Variants in KIAA0825 observed in about 807,000 individuals in gnomAD.
KIAA0825 encodes uncharacterized protein KIAA0825.
A neutral mutation model predicts 147.6 loss-of-function variants in KIAA0825; 119 were observed. The ratio of observed to expected loss-of-function variants is 0.81; its 90% CI spans 0.69 to 0.94. The LOEUF (loss-of-function observed/expected upper bound fraction) is 0.94, where lower values mean the gene tolerates loss of function less well. KIAA0825 is among the 40% of genes least tolerant of loss of function. The pLI, the probability that KIAA0825 is intolerant of heterozygous loss-of-function variation, is 0.00. For missense variants in KIAA0825, 1,381 were observed against 1,472.7 expected, an observed-to-expected ratio of 0.94 and a Z score of 1.02; for synonymous variants, 470 against 518.1, an observed-to-expected ratio of 0.91 and a Z score of 1.26.
Position 94,549,582 on chromosome 5 carries a change from AG to A in KIAA0825, c.-1-12456del, listed in dbSNP as rs570888991. 4.6e-5 allele frequency among the ~76,000 whole-genome samples: 7 copies of A among 152,244 alleles called. No individual in the cohort carries two copies. The South Asian group carries it at 1.4e-3, about 32-fold the overall frequency. ...ACAAAAATTAGCCGGATGTGGTGGCAGGTGCCTGCAATCCCAGCTACTTGGG... is the reference window on the plus strand; with the variant it reads ...ACAAAAATTAGCCGGATGTGGTGGCAGTGCCTGCAATCCCAGCTACTTGGG... On this transcript the variant is annotated intron_variant, in intron 2 of 20. Transcript: ENST00000682413.
chr5:94,388,652 G>C (rs1036045739), intron 18 of KIAA0825, among the ~76,000 whole-genome samples: 1 of 152,160 alleles, frequency 6.6e-6, no homozygotes, highest in Admixed American at 6.5e-5. Context: ...ATTCAAAAAA[G>C]AGAAACTGTT....
intron 20 of KIAA0825, among the ~76,000 whole-genome samples, chr5:94,188,437 C>T (rs1172025633): frequency 6.6e-6 from 1 of 151,970 alleles, no homozygotes; most frequent in Non-Finnish European, 1.5e-5. Flanking sequence ...TTTCTCATAC[C>T]TCTTTGCACT....
At chr5:94,316,676 A>G (rs1779690998) in intron 20 of KIAA0825, among the ~76,000 whole-genome samples, 1 of 151,812 alleles carries the variant, frequency 6.6e-6, no homozygotes, top group Non-Finnish European at 1.5e-5. Context: ...CTGAATCAGG[A>G]GGATGTATCT....
intron 20 of KIAA0825, among the ~76,000 whole-genome samples, chr5:94,312,267 T>C (rs770850759): frequency 1.5e-4 from 23 of 151,650 alleles, no homozygotes; most frequent in Non-Finnish European, 3.0e-4. Flanking sequence ...TAATAGCATA[T>C]AATTAATGAA....
At chr5:94,336,252 C>A (rs1460156089) in intron 20 of KIAA0825, among the ~76,000 whole-genome samples, 2 of 147,386 alleles carry the variant, frequency 1.4e-5, no homozygotes, top group East Asian at 2.0e-4. Flanking sequence ...AATACACATT[C>A]TTTTCTTTCT....
In KIAA0825 at chr5:94,293,470, G is replaced by C. The variant is rs1053900990; in HGVS notation, c.3710+90898C>G. Among the ~76,000 whole-genome samples, 9 of 152,318 alleles carry C rather than the reference G, an allele frequency of 5.9e-5. 1 individual carries two copies. In the East Asian group the frequency reaches 1.5e-3, roughly 26 times the overall value. On this transcript the variant is annotated intron_variant, in intron 20 of 20. Transcript: ENST00000682413. ...TTCTAATTTGATTGCACTGTGGTCT[G>C]TGAGACTGTTTGTTATGATTTCCAT... is the stretch of plus-strand genomic sequence containing the variant.
At chr5:94,185,380 T>G (rs1212692649) in intron 20 of KIAA0825, among the ~76,000 whole-genome samples, 1 of 152,218 alleles carries the variant, frequency 6.6e-6, no homozygotes, top group Non-Finnish European at 1.5e-5. Flanking sequence ...CAAAAGAATA[T>G]GGTGTATGGT....
chr5:94,258,033 T>C lies in KIAA0825; in HGVS notation c.3711-103909A>G, dbSNP rs1776326104. Among the ~76,000 whole-genome samples, 3 of 151,986 alleles carry C rather than the reference T, an allele frequency of 2.0e-5. No individual in the cohort carries two copies. In the South Asian group the frequency reaches 6.2e-4, roughly 32 times the overall value. On this transcript the variant is annotated intron_variant, in intron 20 of 20. Transcript: ENST00000682413. ...TAAAAAGAAATATGTATGGAGCACG[T>C]GTATGATGTTAAAATGAATAACAGC... is the stretch of plus-strand genomic sequence containing the variant.
At chr5:94,523,800 TAAAAAC>T (rs1768708625) in intron 4 of KIAA0825, 124 bp downstream of exon 4, 1 of 526,126 alleles carries the variant, frequency 1.9e-6, no homozygotes, top group Non-Finnish European at 3.2e-6. Context: ...TATAGGAACA[TAAAAAC>T]ACAAACCCCT....
intron 20 of KIAA0825, among the ~76,000 whole-genome samples, chr5:94,331,745 A>G (rs1371256792): frequency 6.6e-6 from 1 of 152,214 alleles, no homozygotes; most frequent in Non-Finnish European, 1.5e-5. Context: ...AACTCATTAT[A>G]TTAACAAGTG....
chr5:94,504,658 T>A (rs1765497764), intron 5 of KIAA0825, among the ~76,000 whole-genome samples: 1 of 152,100 alleles, frequency 6.6e-6, no homozygotes, highest in African/African-American at 2.4e-5. Flanking sequence ...TAAATCTTTA[T>A]TAACACAGGC....
At chr5:94,512,164 T>G (rs1219672186) in intron 5 of KIAA0825, among the ~76,000 whole-genome samples, 6 of 152,096 alleles carry the variant, frequency 3.9e-5, no homozygotes, top group Non-Finnish European at 8.8e-5. Context: ...GGAACAGACA[T>G]TAAAATTCTC....
intron 9 of KIAA0825, among the ~76,000 whole-genome samples, 192 bp downstream of exon 9, chr5:94,471,274 A>G (rs932181150): frequency 3.3e-5 from 5 of 152,162 alleles, no homozygotes; most frequent in South Asian, 2.1e-4. Context: ...CTTACTATCT[A>G]TGTATCTAGT....
At chr5:94,418,837 C>T in intron 14 of KIAA0825, among the ~76,000 whole-genome samples, 1 of 152,150 alleles carries the variant, frequency 6.6e-6, no homozygotes, top group Admixed American at 6.5e-5. Context: ...GCAATGCCTA[C>T]ATATTTATGC....
chr5:94,609,946 C>T (rs1480483383), intron 1 of KIAA0825, among the ~76,000 whole-genome samples: 3 of 152,174 alleles, frequency 2.0e-5, no homozygotes, highest in Non-Finnish European at 4.4e-5. Flanking sequence ...CTTGGAAGAA[C>T]TGAACTGCCA....
chr5:94,572,143 T>C (rs151000354), intron 2 of KIAA0825, among the ~76,000 whole-genome samples: 239 of 150,938 alleles, frequency 1.6e-3, no homozygotes, highest in African/African-American at 5.5e-3. Context: ...GTTTGGACTA[T>C]ATTCACTCTA....
intron 1 of KIAA0825, among the ~76,000 whole-genome samples, chr5:94,603,289 G>C (rs12517866): frequency 0.18 from 27,834 of 152,138 alleles, 3,297 homozygotes; most frequent in Non-Finnish European, 0.27. Context: ...TTAAAGAAAA[G>C]CAATTCCAAC....
At position 94,377,263 on chromosome 5, in the gene KIAA0825, C is replaced by T. The variant is rs561872018; in HGVS notation, c.3710+7105G>A. Reference sequence around the variant, plus strand: ...GCCATCATATTTAATTGTGTTTGCTCAACTCGAAGCCAAACTCATATGCAG... The same window carrying T: ...GCCATCATATTTAATTGTGTTTGCTTAACTCGAAGCCAAACTCATATGCAG... On this transcript the variant is annotated intron_variant, in intron 20 of 20. Coordinates refer to ENST00000682413, the MANE Select transcript of KIAA0825 (RefSeq NM_001145678.3). 9.2e-5 allele frequency among the ~76,000 whole-genome samples: 14 copies of T among 152,288 alleles called. No homozygotes were observed. In the South Asian group the frequency reaches 2.5e-3, roughly 27 times the overall value.
At position 94,520,552 on chromosome 5, in the gene KIAA0825, A is replaced by G; in HGVS notation, c.666T>C (p.Asn222=). The G allele has an allele frequency of 1.2e-6, 2 of 1,613,448 alleles. No individual in the cohort carries two copies. Among genetic ancestry groups the G allele is most frequent in the South Asian group, 2.2e-5 (2 of 91,068 alleles). Residue 222 remains asparagine, a synonymous_variant, in exon 5 of 21, where the codon AAT becomes AAC. Coordinates refer to ENST00000682413, the MANE Select transcript of KIAA0825 (RefSeq NM_001145678.3). ...YQNIQNKLLA[N]LLWNCFPSYN... ...AAGAAGGAAAGCAGTTCCACAGAAG[A>G]TTAGCCAACAGTTTATTCTGTATGT...
Sources: allele counts gnomAD v4.1 joint callset (sites outside exome capture counted in the v4.1 genomes callset), GRCh38; gene constraint gnomAD v4.1.1; transcripts MANE v1.5; gene names NCBI Gene and HGNC (gene_info 2026-07-23, HGNC 2026-07-21).